GNAT2: variants seen among roughly 807,000 people sequenced by gnomAD.
GNAT2 encodes G protein subunit alpha transducin 2.
Under a neutral mutation model 40.9 loss-of-function variants are expected in GNAT2, and 32 were observed. The observed-to-expected ratio is 0.78, with a 90% confidence interval of 0.59 to 1.05. GNAT2 has a LOEUF of 1.05. GNAT2 is among the 50% of genes least tolerant of loss of function. GNAT2 has a pLI of 0.00. For missense variants in GNAT2, 355 were observed against 431.5 expected, an observed-to-expected ratio of 0.82 and a Z score of 1.57; for synonymous variants, 141 against 157.2, an observed-to-expected ratio of 0.90 and a Z score of 0.77.
intron 4 of GNAT2, 67 bp downstream of exon 4, chr1:109,609,973 C>T: frequency 1.3e-6 from 2 of 1,491,942 alleles, no homozygotes; most frequent in Non-Finnish European, 1.9e-6. Flanking sequence ...GTTTGTTGGC[C>T]TCTGGTATGT....
Position 109,603,300 on chromosome 1 carries a change from A to G in GNAT2, c.*54T>C. 1 of 980,906 alleles carries G rather than the reference A, an allele frequency of 1.0e-6. No homozygotes were observed. Among genetic ancestry groups the G allele is most frequent in the Non-Finnish European group, 1.6e-6 (1 of 606,468 alleles). The allele number at this position is 980,906 out of a possible 1,614,324, so 60.8% of individuals were successfully genotyped here. A position where few individuals can be genotyped will look rare whatever the true frequency, so the allele number is the denominator to read the frequency against. ...TATTGACTATAATTTTCTGTTTTTA[A>G]TTACCCAGATTCCAAGCCTGTTTAT... is the stretch of plus-strand genomic sequence containing the variant. On this transcript the variant is annotated 3_prime_UTR_variant, in exon 9 of 9. Coordinates refer to ENST00000679935, the MANE Select transcript of GNAT2 (RefSeq NM_001377295.2).
intron 4 of GNAT2, 78 bp downstream of exon 4, chr1:109,609,962 A>G (rs912672434): frequency 1.7e-5 from 24 of 1,380,874 alleles, no homozygotes; most frequent in Non-Finnish European, 2.4e-5. Context: ...CTTTCCATAT[A>G]GTTTGTTGGC....
chr1:109,609,687 A>C, intron 4 of GNAT2: 1 of 354,332 alleles, frequency 2.8e-6, no homozygotes, highest in Admixed American at 3.9e-5. Context: ...ATTGTGGTGT[A>C]TTATGAAAAA....
intron 2 of GNAT2, chr1:109,611,551 G>A (rs1259854999): frequency 6.6e-6 from 1 of 152,116 alleles, no homozygotes; most frequent in East Asian, 1.9e-4. Flanking sequence ...GGGGCTAAGT[G>A]GGTTCCCTTT....
intron 3 of GNAT2, 95 bp from the exon 4 acceptor site, chr1:109,610,276 T>C: frequency 1.4e-6 from 2 of 1,387,578 alleles, no homozygotes; most frequent in Non-Finnish European, 2.1e-6. Flanking sequence ...ATAAGAATCC[T>C]ATCTCTCTGT....
intron 7 of GNAT2, chr1:109,604,342 C>T: frequency 1.9e-6 from 1 of 539,404 alleles, no homozygotes; most frequent in Non-Finnish European, 3.3e-6. Context: ...AGTCTGTTTT[C>T]CTATCTTATA....
At chr1:109,618,610 C>CGT (rs146863757) in intron 1 of GNAT2, among the ~76,000 whole-genome samples, 2 of 152,140 alleles carry the variant, frequency 1.3e-5, no homozygotes, top group African/African-American at 2.4e-5. Flanking sequence ...TGCACATGTA[C>CGT]GTGTGTGTGT....
At chr1:109,603,724 T>C in intron 8 of GNAT2, 180 bp from the exon 9 acceptor site, 1 of 668,758 alleles carries the variant, frequency 1.5e-6, no homozygotes, top group Non-Finnish European at 2.7e-6. Context: ...TGAAAAGAAA[T>C]TGAGGAGAGG....
chr1:109,615,386 C>T (rs1243538864), intron 1 of GNAT2: 1 of 152,176 alleles, frequency 6.6e-6, no homozygotes, highest in African/African-American at 2.4e-5. Flanking sequence ...AATTCCAACA[C>T]TTTGGGAGGC....
Position 109,603,251 on chromosome 1 carries a change from G to A in GNAT2, c.*103C>T, listed in dbSNP as rs1236697813. On this transcript the variant is annotated 3_prime_UTR_variant, in exon 9 of 9. Transcript: ENST00000679935. Reference sequence around the variant, plus strand: ...CATGTATACTCCATCTCCAAAGAATGGATTCATTCTTCATGTCATGGTATA... The same window carrying A: ...CATGTATACTCCATCTCCAAAGAATAGATTCATTCTTCATGTCATGGTATA... 4.1e-6 allele frequency: 3 copies of A among 730,144 alleles called. No homozygotes were observed. The highest frequency in any genetic ancestry group is 7.5e-6 in the Non-Finnish European group (3 of 399,392). The allele number at this position is 730,144 out of a possible 1,614,324, so 45.2% of individuals were successfully genotyped here.
chr1:109,604,433 T>C (rs1378986770), intron 7 of GNAT2: 2 of 324,420 alleles, frequency 6.2e-6, no homozygotes, highest in South Asian at 3.1e-5. Context: ...TAATGTGTTA[T>C]GCAGATCTTT....
At chr1:109,612,630 G>A in intron 2 of GNAT2, 123 bp downstream of exon 2, 1 of 751,516 alleles carries the variant, frequency 1.3e-6, no homozygotes. Context: ...GCCAGACTGT[G>A]TAGAGGAGAG....
rs1031161671 is a variant in GNAT2 at position 109,608,850 on chromosome 1, G to C, written c.304-62C>G. On this transcript the variant is annotated intron_variant, in intron 4 of 8. Coordinates refer to ENST00000679935, the MANE Select transcript of GNAT2 (RefSeq NM_001377295.2). ...GTAATAGCTTTCCAGGAGGCTTCTG[G>C]GAATACTGCTGAATGGAAATCATTT... The C allele has an allele frequency of 2.4e-6, 3 of 1,256,862 alleles. No homozygotes were observed. The African/African-American group carries it at 4.4e-5, about 18-fold the overall frequency. 77.9% of individuals were successfully genotyped at this position (1,256,862 alleles called of 1,614,324 possible). A position where few individuals can be genotyped will look rare whatever the true frequency, so the allele number is the denominator to read the frequency against.
chr1:109,612,598 C>T (rs1649830581), intron 2 of GNAT2, 155 bp downstream of exon 2: 1 of 697,026 alleles, frequency 1.4e-6, no homozygotes. Flanking sequence ...ATTAACTCAG[C>T]TCTAGATCTC....
intron 2 of GNAT2, 57 bp downstream of exon 2, chr1:109,612,696 T>G (rs114457486): frequency 0.011 from 11,821 of 1,078,554 alleles, 189 homozygotes; most frequent in South Asian, 0.046. Context: ...CCACCAACCC[T>G]TCAGGAAAGT....
intron 7 of GNAT2, chr1:109,605,250 T>C (rs2101123124): frequency 6.5e-6 from 1 of 153,240 alleles, no homozygotes; most frequent in East Asian, 1.9e-4. Flanking sequence ...GATGCTTGGG[T>C]GAAATTAACG....
chr1:109,604,025 A>T lies in GNAT2; in HGVS notation c.800T>A (p.Phe267Tyr). 4.3e-6 allele frequency: 7 copies of T among 1,610,274 alleles called. No homozygotes were observed. Among genetic ancestry groups the T allele is most frequent in the Non-Finnish European group, 6.0e-6 (7 of 1,176,456 alleles). The change falls in exon 8 of 9, where the codon TTT (phenylalanine) becomes TAT (tyrosine). Residue 267 changes from phenylalanine to tyrosine, a missense_variant. Transcript: ENST00000679935. ...CTCAAAGAGGTCCTTCTTGTTGAGA[A>T]AGAGGACAATGGAAGTAGCCGCAAA... ...KFFAATSIVL[F>Y]LNKKDLFEEK...
intron 1 of GNAT2, chr1:109,614,719 C>G (rs1322081498): frequency 1.3e-5 from 2 of 152,192 alleles, no homozygotes; most frequent in Non-Finnish European, 2.9e-5. Flanking sequence ...CTGGGAAGGT[C>G]AGGAGTAGAA....
intron 3 of GNAT2, 60 bp from the exon 4 acceptor site, chr1:109,610,241 G>C (rs1175026068): frequency 1.9e-6 from 3 of 1,541,720 alleles, no homozygotes; most frequent in Non-Finnish European, 2.7e-6. Context: ...TAAGGGATTA[G>C]GAATTTGGGG....
Sources: allele counts gnomAD v4.1 joint callset (sites outside exome capture counted in the v4.1 genomes callset), GRCh38; gene constraint gnomAD v4.1.1; transcripts MANE v1.5; gene names NCBI Gene and HGNC (gene_info 2026-07-23, HGNC 2026-07-21).